Variants in EIPR1 observed in about 807,000 individuals in gnomAD.
EIPR1 encodes the protein EARP and GARP complex-interacting protein 1.
In EIPR1, 25 loss-of-function variants were observed where a neutral mutation model predicts 48.1. The ratio of observed to expected loss-of-function variants is 0.52; its 90% CI spans 0.38 to 0.73. The LOEUF (loss-of-function observed/expected upper bound fraction) is 0.73, where lower values mean the gene tolerates loss of function less well. EIPR1 is among the 30% of genes least tolerant of loss of function. The pLI, the probability that EIPR1 is intolerant of heterozygous loss-of-function variation, is 0.00. For synonymous variants in EIPR1, 204 were observed against 201.9 expected (o/e 1.01, Z -0.09); for missense variants, 415 against 506.2 (o/e 0.82, Z 1.73).
intron 3 of EIPR1, among the ~76,000 whole-genome samples, chr2:3,299,622 TCTCA>T (rs1329599786): frequency 5.5e-4 from 77 of 141,140 alleles, no homozygotes; most frequent in East Asian, 2.8e-3. Flanking sequence ...TCTCTCTCTC[TCTCA>T]CACACACACA....
intron 3 of EIPR1, among the ~76,000 whole-genome samples, chr2:3,324,940 A>G (rs1202975057): frequency 6.6e-6 from 1 of 152,228 alleles, no homozygotes; most frequent in African/African-American, 2.4e-5. Context: ...CAGCGCTTCC[A>G]GGTTCCCACA....
intron 3 of EIPR1, among the ~76,000 whole-genome samples, chr2:3,292,732 T>C (rs1668407189): frequency 6.6e-6 from 1 of 152,184 alleles, no homozygotes; most frequent in South Asian, 2.1e-4. Context: ...CTCATCTACA[T>C]TACGGCAACT....
chr2:3,258,627 C>G (rs1320904559), intron 3 of EIPR1, among the ~76,000 whole-genome samples: 3 of 152,202 alleles, frequency 2.0e-5, no homozygotes, highest in African/African-American at 7.2e-5. Flanking sequence ...ATCTCAATAT[C>G]AACTAATCGA....
chr2:3,273,427 T>G (rs1667755894), intron 3 of EIPR1, among the ~76,000 whole-genome samples: 1 of 152,122 alleles, frequency 6.6e-6, no homozygotes, highest in South Asian at 2.1e-4. Flanking sequence ...TACTAGGACC[T>G]CTGCAAAAAC....
At chr2:3,372,169 G>A (rs1390277485) in intron 1 of EIPR1, among the ~76,000 whole-genome samples, 3 of 150,744 alleles carry the variant, frequency 2.0e-5, no homozygotes, top group Admixed American at 6.6e-5. Context: ...AAATAAAGAT[G>A]TTCTTTGAAA....
intron 4 of EIPR1, among the ~76,000 whole-genome samples, chr2:3,252,034 A>C (rs1339027308): frequency 6.6e-6 from 1 of 152,232 alleles, no homozygotes; most frequent in Non-Finnish European, 1.5e-5. Context: ...CAGGATTTGC[A>C]TGAGTGAGGT....
At chr2:3,293,124 G>A (rs986160654) in intron 3 of EIPR1, among the ~76,000 whole-genome samples, 1 of 152,118 alleles carries the variant, frequency 6.6e-6, no homozygotes, top group Non-Finnish European at 1.5e-5. Context: ...GAACAATCTC[G>A]ACAAACTATC....
Position 3,377,660 on chromosome 2 carries a change from C to A in EIPR1, c.30G>T (p.Gly10=). 6.3e-7 allele frequency: 1 copy of A among 1,579,392 alleles called. No homozygotes were observed. Among genetic ancestry groups the A allele is most frequent in the Non-Finnish European group, 8.6e-7 (1 of 1,162,094 alleles). The stretch of plus-strand genomic sequence containing the variant: ...CCCAGTGACCCACCTGGAACTCCAG[C>A]CCGTAGATCACTGGTGCATCGTCCT... MEDDAPVIY[G]LEFQARALTP... Residue 10 remains glycine (G), a synonymous_variant, in exon 1 of 9, where the codon GGG becomes GGT. Transcript: ENST00000382125.
At chr2:3,218,599 G>A (rs549468058) in intron 4 of EIPR1, among the ~76,000 whole-genome samples, 8 of 147,824 alleles carry the variant, frequency 5.4e-5, no homozygotes, top group Non-Finnish European at 1.2e-4. Flanking sequence ...CACCCAACAC[G>A]GCCCTGATAC....
At chr2:3,202,073 G>A (rs947747802) in intron 5 of EIPR1, among the ~76,000 whole-genome samples, 7 of 151,838 alleles carry the variant, frequency 4.6e-5, no homozygotes, top group Admixed American at 1.3e-4. Flanking sequence ...GAGTAGCTGG[G>A]ACTACAGGCG....
At position 3,273,297 on chromosome 2, in the gene EIPR1, T is replaced by C. The variant is rs565008616; in HGVS notation, c.260-15842A>G. 3.2e-4 allele frequency among the ~76,000 whole-genome samples: 49 copies of C among 152,282 alleles called. 1 individual carries two copies. The East Asian group carries it at 6.2e-3, about 19-fold the overall frequency. Reference sequence around the variant, plus strand: ...CTGGGAGCAAATAGTAAAGCTGTTGTTGAAAACAAAATGATAAACCACGGT... The same window carrying C: ...CTGGGAGCAAATAGTAAAGCTGTTGCTGAAAACAAAATGATAAACCACGGT... On this transcript the variant is annotated intron_variant, in intron 3 of 8. Transcript: ENST00000382125.
chr2:3,345,822 C>T (rs1193489328), intron 2 of EIPR1, among the ~76,000 whole-genome samples: 2 of 152,030 alleles, frequency 1.3e-5, no homozygotes, highest in South Asian at 2.1e-4. Flanking sequence ...CGGGGCACCA[C>T]GCTTATCTTT....
intron 3 of EIPR1, among the ~76,000 whole-genome samples, chr2:3,291,395 A>G (rs182617845): frequency 2.0e-5 from 3 of 152,306 alleles, no homozygotes; most frequent in East Asian, 1.9e-4. Context: ...CAGTGTACCC[A>G]AATCCATATA....
chr2:3,243,306 TCAACAGAAA>T (rs767581823), intron 4 of EIPR1, among the ~76,000 whole-genome samples: 4 of 152,060 alleles, frequency 2.6e-5, no homozygotes, highest in Non-Finnish European at 4.4e-5. Context: ...TGGGCATAGC[TCAACAGAAA>T]CAAGCACTCT....
intron 3 of EIPR1, among the ~76,000 whole-genome samples, chr2:3,279,346 ATT>A (rs1336044400): frequency 6.6e-6 from 1 of 152,150 alleles, no homozygotes; most frequent in African/African-American, 2.4e-5. Flanking sequence ...GTAAAAACAT[ATT>A]TGTCAGTAAA....
intron 3 of EIPR1, among the ~76,000 whole-genome samples, chr2:3,310,652 CAAAAAAAAAA>C (rs751422009): frequency 3.6e-5 from 2 of 55,298 alleles, no homozygotes; most frequent in Non-Finnish European, 4.0e-5. Flanking sequence ...GACTCCGTCT[CAAAAAAAAAA>C]AAAAAAAAAA....
At chr2:3,301,242 T>C (rs917859408) in intron 3 of EIPR1, 3 of 152,208 alleles carry the variant, frequency 2.0e-5, no homozygotes, top group African/African-American at 7.2e-5. Flanking sequence ...AGTGACTCAG[T>C]TCCAAGTGAG....
chr2:3,296,565 A>G (rs1460592596), intron 3 of EIPR1, among the ~76,000 whole-genome samples: 1 of 140,834 alleles, frequency 7.1e-6, no homozygotes, highest in African/African-American at 2.7e-5. Context: ...GTATACACAC[A>G]CACACTCCAT....
At chr2:3,191,362 G>A (rs2103101269) in intron 8 of EIPR1, among the ~76,000 whole-genome samples, 1 of 151,970 alleles carries the variant, frequency 6.6e-6, no homozygotes, top group Middle Eastern at 3.4e-3. Context: ...GAGAGGGTCT[G>A]AAGACAGAGA....
Sources: allele counts gnomAD v4.1 joint callset (sites outside exome capture counted in the v4.1 genomes callset), GRCh38; gene constraint gnomAD v4.1.1; transcripts MANE v1.5; gene names NCBI Gene and HGNC (gene_info 2026-07-23, HGNC 2026-07-21).